PCDHGA1: variants seen among roughly 807,000 people sequenced by gnomAD.
The protein encoded by PCDHGA1 is protocadherin gamma subfamily A, 1, also known as protocadherin gamma-A1.
Under a neutral mutation model 58.0 loss-of-function variants are expected in PCDHGA1, and 32 were observed. The ratio of observed to expected loss-of-function variants is 0.55; its 90% CI spans 0.42 to 0.74. The LOEUF (loss-of-function observed/expected upper bound fraction) is 0.74. PCDHGA1 is among the 30% of genes least tolerant of loss of function. The probability of loss-of-function intolerance (pLI) is 0.00; values close to 1 mark genes in which losing one functional copy is unlikely to be tolerated. For synonymous variants in PCDHGA1, 498 were observed against 501.1 expected, an observed-to-expected ratio of 0.99 and a Z score of 0.08; for missense variants, 1,205 against 1,182.3, an observed-to-expected ratio of 1.02 and a Z score of -0.28.
At chr5:141,340,624 C>G (rs139317352) in intron 1 of PCDHGA1, 139 of 1,614,120 alleles carry the variant, frequency 8.6e-5, no homozygotes, top group Middle Eastern at 6.6e-4. Flanking sequence ...TAAGCCTGTT[C>G]GTGCTGGACC....
At chr5:141,441,730 A>ATGGT in intron 1 of PCDHGA1, 1 of 362,748 alleles carries the variant, frequency 2.8e-6, no homozygotes, top group South Asian at 2.2e-5. Flanking sequence ...CGCGACCAGG[A>ATGGT]CTAGCTCGCG....
At position 141,486,765 on chromosome 5, in the gene PCDHGA1, T is replaced by C; in HGVS notation, c.2422-8042T>C. On this transcript the variant is annotated intron_variant, in intron 1 of 3. Transcript: ENST00000517417. This position sits in a 1 kb window ranked among gnomAD's most constrained non-coding sequence, Gnocchi z 5.0. ...TTTGACTATGAGCAAACCCAGACACTGCAGTTTGAGGTGCAGGCCCGGGAT... is the reference window on the plus strand; with the variant it reads ...TTTGACTATGAGCAAACCCAGACACCGCAGTTTGAGGTGCAGGCCCGGGAT... 4 of 1,614,230 alleles carry C rather than the reference T, an allele frequency of 2.5e-6. No individual in the cohort carries two copies. Among genetic ancestry groups the C allele is most frequent in the Non-Finnish European group, 3.4e-6 (4 of 1,180,038 alleles).
intron 1 of PCDHGA1, chr5:141,409,917 C>G: frequency 6.2e-7 from 1 of 1,613,376 alleles, no homozygotes; most frequent in South Asian, 1.1e-5. Flanking sequence ...CCTGACGGCT[C>G]CGCGTTCTTC....
Position 141,486,895 on chromosome 5 carries a change from C to T in PCDHGA1, c.2422-7912C>T, listed in dbSNP as rs1286004461. ...TCCGTCCTCGGGCCCGGCCTGGTTC[C>T]TTATGTCCCCAAGCACTGCCTCCAT... On this transcript the variant is annotated intron_variant, in intron 1 of 3. Coordinates refer to ENST00000517417, the MANE Select transcript of PCDHGA1 (RefSeq NM_018912.3). This position sits in a 1 kb window ranked among gnomAD's most constrained non-coding sequence, Gnocchi z 5.0. 3 of 1,614,134 alleles carry T rather than the reference C, an allele frequency of 1.9e-6. No homozygotes were observed. The highest frequency in any genetic ancestry group is 3.3e-5 in the Admixed American group (2 of 60,012).
chr5:141,364,532 T>A (rs1461835311), intron 1 of PCDHGA1: 2 of 1,613,962 alleles, frequency 1.2e-6, no homozygotes. Flanking sequence ...CCGCATCGTC[T>A]CCAGAGGTAG....
chr5:141,423,626 T>C (rs745796529), intron 1 of PCDHGA1: 1 of 1,606,498 alleles, frequency 6.2e-7, no homozygotes, highest in South Asian at 1.1e-5. Context: ...GACTCAGCTA[T>C]CATTTTAGGC....
In PCDHGA1 at chr5:141,431,553, A is replaced by G; in HGVS notation, c.2422-63254A>G. ...TTGGGCACGCAGCTGCTTGTAGTCA[A>G]CGCTACCGACCCTGACGAAGGAGTC... On this transcript the variant is annotated intron_variant, in intron 1 of 3. Transcript: ENST00000517417. The surrounding 1 kb of genome is among the most constrained non-coding windows in gnomAD (Gnocchi z 4.8). 1.2e-6 allele frequency: 2 copies of G among 1,614,112 alleles called. No individual in the cohort carries two copies. Among genetic ancestry groups the G allele is most frequent in the Non-Finnish European group, 1.7e-6 (2 of 1,180,020 alleles).
intron 1 of PCDHGA1, chr5:141,364,212 A>G (rs925277605): frequency 8.0e-7 from 1 of 1,252,414 alleles, no homozygotes; most frequent in African/African-American, 1.5e-5. Context: ...ACAAGCTCCT[A>G]CGAAAAGCCA....
intron 1 of PCDHGA1, among the ~76,000 whole-genome samples, chr5:141,338,346 C>A (rs1193518289): frequency 6.6e-6 from 1 of 152,170 alleles, no homozygotes; most frequent in East Asian, 1.9e-4. Context: ...AAGGTAAATG[C>A]AAAGCCATCA....
chr5:141,450,264 C>T (rs1395960399), intron 1 of PCDHGA1, among the ~76,000 whole-genome samples: 1 of 152,112 alleles, frequency 6.6e-6, no homozygotes, highest in Non-Finnish European at 1.5e-5. Flanking sequence ...GTGATCTGCC[C>T]ACCTCAGCTA....
chr5:141,332,955 C>T lies in PCDHGA1; in HGVS notation c.2271C>T (p.Val757=). ...RAFLQTYSHE[V]SLTADSRKSH... is the part of the protein sequence containing the mutation. The stretch of plus-strand genomic sequence containing the variant: ...TCCTGCAGACCTATTCCCACGAGGT[C>T]TCCCTCACTGCGGACTCGCGGAAGA... The change falls in exon 1 of 4, where the codon GTC becomes GTT. Residue 757 remains valine (V), a synonymous_variant. Transcript: ENST00000517417. The surrounding 1 kb of genome is among the most constrained non-coding windows in gnomAD (Gnocchi z 4.6). The T allele has an allele frequency of 1.2e-6, 2 of 1,614,224 alleles. No homozygotes were observed. The highest frequency in any genetic ancestry group is 1.7e-6 in the Non-Finnish European group (2 of 1,180,048).
chr5:141,402,746 T>C (rs956909207), intron 1 of PCDHGA1, among the ~76,000 whole-genome samples: 2 of 152,224 alleles, frequency 1.3e-5, no homozygotes, highest in African/African-American at 4.8e-5. Context: ...TGATCAACTC[T>C]AAGCGAAAAT....
chr5:141,460,909 G>GGT (rs548378036), intron 1 of PCDHGA1, among the ~76,000 whole-genome samples: 1,853 of 123,260 alleles, frequency 0.015, 18 homozygotes, highest in Non-Finnish European at 0.019. Context: ...AATATTCCAT[G>GGT]GTGTATATAT....
At chr5:141,383,058 G>A (rs1289702805) in intron 1 of PCDHGA1, 1 of 1,613,912 alleles carries the variant, frequency 6.2e-7, no homozygotes, top group East Asian at 2.2e-5. Context: ...AGGACCTGGG[G>A]CTGGAGCCCC....
chr5:141,351,956 G>C (rs970182422), intron 1 of PCDHGA1: 6 of 1,612,992 alleles, frequency 3.7e-6, no homozygotes, highest in Non-Finnish European at 5.1e-6. Context: ...GCTGGGGCCT[G>C]ATGGCTCCGC....
At chr5:141,437,225 T>C (rs943242286) in intron 1 of PCDHGA1, among the ~76,000 whole-genome samples, 2 of 152,240 alleles carry the variant, frequency 1.3e-5, no homozygotes, top group Admixed American at 1.3e-4. Flanking sequence ...ATTCCAGTCA[T>C]AAAATTATGT....
At chr5:141,407,622 A>G (rs2094961891) in intron 1 of PCDHGA1, among the ~76,000 whole-genome samples, 3 of 152,316 alleles carry the variant, frequency 2.0e-5, no homozygotes, top group South Asian at 2.1e-4. Context: ...TTGACATTCT[A>G]TATCTCGTAT....
At chr5:141,389,328 A>G (rs2091708257) in intron 1 of PCDHGA1, 2 of 1,613,854 alleles carry the variant, frequency 1.2e-6, no homozygotes, top group African/African-American at 2.7e-5. Context: ...CTTGGGGCCC[A>G]ACGGCCAAGT....
At position 141,489,180 on chromosome 5, in the gene PCDHGA1, C is replaced by G. The variant is rs942218118; in HGVS notation, c.2422-5627C>G. On this transcript the variant is annotated intron_variant, in intron 1 of 3. Transcript: ENST00000517417. This position sits in a 1 kb window ranked among gnomAD's most constrained non-coding sequence, Gnocchi z 4.5. ...GACTTCAGCTGCTGCATTCCAAGCC[C>G]TGGGTCTACCTTGGAGACAGGACAG... The G allele has an allele frequency of 1.8e-5, 23 of 1,259,630 alleles. No homozygotes were observed. In the South Asian group the frequency reaches 3.0e-4, roughly 17 times the overall value. The allele number at this position is 1,259,630 out of a possible 1,614,324, so 78.0% of individuals were successfully genotyped here.
Sources: gnomAD v4.1 joint callset for allele counts (sites outside exome capture counted in the v4.1 genomes callset) on GRCh38, gnomAD v4.1.1 for gene constraint, Gnocchi (gnomAD v3.1) non-coding constraint, MANE v1.5 for transcripts, NCBI Gene and HGNC (gene_info 2026-07-23, HGNC 2026-07-21) for gene names.